Variants in POLN observed in about 807,000 individuals in gnomAD.
POLN encodes DNA polymerase N.
Under a neutral mutation model 113.5 loss-of-function variants are expected in POLN, and 108 were observed. The observed-to-expected ratio is 0.95, with a 90% CI of 0.81 to 1.12. POLN has a LOEUF of 1.12. POLN is among the 50% of genes most tolerant of loss of function. The probability of loss-of-function intolerance (pLI) is 0.00; values close to 1 mark genes in which losing one functional copy is unlikely to be tolerated. For synonymous variants in POLN, 386 were observed against 391.5 expected (o/e 0.99, Z 0.17); for missense variants, 1,097 against 1,077.1 (o/e 1.02, Z -0.26).
intron 13 of POLN, among the ~76,000 whole-genome samples, chr4:2,159,888 C>T (rs967888279): frequency 9.9e-5 from 14 of 140,884 alleles, no homozygotes; most frequent in Admixed American, 2.7e-4. Context: ...CCCATTCCAC[C>T]TTTGATGGAT....
intron 3 of POLN, among the ~76,000 whole-genome samples, chr4:2,219,348 C>T (rs916002677): frequency 9.9e-5 from 15 of 152,244 alleles, no homozygotes; most frequent in African/African-American, 2.6e-4. Flanking sequence ...GTTTCCCTGG[C>T]GGAAAGACAG....
At chr4:2,148,813 G>C (rs1016317745) in intron 16 of POLN, among the ~76,000 whole-genome samples, 15 of 152,102 alleles carry the variant, frequency 9.9e-5, no homozygotes, top group African/African-American at 3.1e-4. Context: ...TTTCAAAAAT[G>C]GTGATAAGGT....
intron 7 of POLN, among the ~76,000 whole-genome samples, chr4:2,188,602 AAAAAAAC>A (rs1733343800): frequency 7.3e-6 from 1 of 136,392 alleles, no homozygotes; most frequent in Non-Finnish European, 1.5e-5. Flanking sequence ...CTCCATCTCA[AAAAAAAC>A]AAAAAACAAA....
chr4:2,129,075 A>G (rs999168823), intron 18 of POLN, 104 bp downstream of exon 18: 120 of 802,612 alleles, frequency 1.5e-4, no homozygotes, highest in Non-Finnish European at 2.0e-4. Context: ...AAAAAAAAAA[A>G]AGAATTTATT....
intron 3 of POLN, 54 bp from the exon 4 acceptor site, chr4:2,213,180 A>C: frequency 8.8e-7 from 1 of 1,135,698 alleles, no homozygotes; most frequent in Non-Finnish European, 1.3e-6. Context: ...ATTGATATCT[A>C]AGTCACACAG....
intron 23 of POLN, chr4:2,078,872 G>C (rs1393287697): frequency 2.0e-6 from 2 of 985,352 alleles, no homozygotes; most frequent in Non-Finnish European, 2.4e-6. Flanking sequence ...AACAGAGAGA[G>C]ACCTCAGCTC....
At chr4:2,103,694 A>G (rs1730983117) in intron 19 of POLN, among the ~76,000 whole-genome samples, 1 of 152,202 alleles carries the variant, frequency 6.6e-6, no homozygotes, top group South Asian at 2.1e-4. Flanking sequence ...AGCAAATTCT[A>G]AAGTCCGCAA....
At chr4:2,080,240 G>T (rs982973878) in intron 23 of POLN, 1 of 988,012 alleles carries the variant, frequency 1.0e-6, no homozygotes, top group Non-Finnish European at 1.2e-6. Flanking sequence ...TGGCAAGGAG[G>T]AGGTGGCTGG....
Position 2,123,392 on chromosome 4 carries a change from G to A in POLN, c.1982+4721C>T, listed in dbSNP as rs567757137. ...TGTAATCCCAGCACTTTGGGAGGCC[G>A]AGGCAGGTGGATCATTTGAGGTCAG... is the stretch of plus-strand genomic sequence containing the variant. On this transcript the variant is annotated intron_variant, in intron 19 of 25. Coordinates refer to ENST00000511885, the MANE Select transcript of POLN (RefSeq NM_181808.4). Among the ~76,000 whole-genome samples, 4 of 152,034 alleles carry A rather than the reference G, an allele frequency of 2.6e-5. No individual in the cohort carries two copies. The East Asian group carries it at 7.7e-4, about 29-fold the overall frequency.
chr4:2,130,878 CT>C (rs1421880626), intron 17 of POLN, among the ~76,000 whole-genome samples: 1 of 152,140 alleles, frequency 6.6e-6, no homozygotes, highest in East Asian at 1.9e-4. Flanking sequence ...TGACAAGTAA[CT>C]TTTTAAAAAA....
intron 13 of POLN, among the ~76,000 whole-genome samples, chr4:2,161,741 T>A (rs1577732163): frequency 6.6e-6 from 1 of 152,216 alleles, no homozygotes. Context: ...CTGAGTCTGG[T>A]GGGGACGTGG....
rs570320720 is a variant in POLN, at chr4:2,177,744, C to T, written c.1180-1410G>A. Among the ~76,000 whole-genome samples, 4 of 152,352 alleles carry T rather than the reference C, an allele frequency of 2.6e-5. No homozygotes were observed. The East Asian group carries it at 7.7e-4, about 29-fold the overall frequency. On this transcript the variant is annotated intron_variant, in intron 8 of 25. Coordinates refer to ENST00000511885, the MANE Select transcript of POLN (RefSeq NM_181808.4). ...CTCAGCTTCTGTTTGGAGAAGTCTC[C>T]CTGCCTGACGGCATGAAGTGTGGGT...
chr4:2,140,348 A>T, intron 16 of POLN, among the ~76,000 whole-genome samples: 1 of 152,312 alleles, frequency 6.6e-6, no homozygotes, highest in South Asian at 2.1e-4. Flanking sequence ...AAGTGCTGGG[A>T]TTACAGGTGT....
At chr4:2,130,339 C>A (rs1385011147) in intron 17 of POLN, among the ~76,000 whole-genome samples, 1 of 151,686 alleles carries the variant, frequency 6.6e-6, no homozygotes, top group East Asian at 1.9e-4. Context: ...CAAGACAAGA[C>A]TGCTCATTGG....
At chr4:2,089,737 G>C in intron 20 of POLN, 1 of 685,244 alleles carries the variant, frequency 1.5e-6, no homozygotes, top group Non-Finnish European at 2.5e-6. Context: ...ATTCAGTGTT[G>C]TGCTCTTTAT....
At chr4:2,148,381 T>C (rs534587522) in intron 16 of POLN, among the ~76,000 whole-genome samples, 2 of 152,134 alleles carry the variant, frequency 1.3e-5, no homozygotes, top group Admixed American at 1.3e-4. Flanking sequence ...AAAAAGTATG[T>C]GAATAGGCCG....
At chr4:2,204,498 T>C (rs772258879) in intron 5 of POLN, among the ~76,000 whole-genome samples, 16 of 152,128 alleles carry the variant, frequency 1.1e-4, no homozygotes, top group Non-Finnish European at 2.4e-4. Context: ...CACAGCAGAA[T>C]TCTATCAGAC....
chr4:2,089,810 A>G (rs1185149971), intron 20 of POLN: 5 of 816,416 alleles, frequency 6.1e-6, no homozygotes, highest in African/African-American at 5.1e-5. Context: ...GCACATTCAG[A>G]TGGATGAAGT....
At chr4:2,154,229 T>C (rs1232450479) in intron 16 of POLN, among the ~76,000 whole-genome samples, 1 of 146,892 alleles carries the variant, frequency 6.8e-6, no homozygotes, top group Non-Finnish European at 1.5e-5. Flanking sequence ...AAAAAAGACA[T>C]TTTAAGTATG....
Sources: gnomAD v4.1 joint callset for allele counts (sites outside exome capture counted in the v4.1 genomes callset) on GRCh38, gnomAD v4.1.1 for gene constraint, MANE v1.5 for transcripts, NCBI Gene and HGNC (gene_info 2026-07-23, HGNC 2026-07-21) for gene names.